The following OSBPL10 variants were observed in gnomAD, a reference collection of about 807,000 sequenced individuals.
OSBPL10 encodes oxysterol-binding protein-related protein 10.
A neutral mutation model predicts 81.7 loss-of-function variants in OSBPL10; 49 were observed. The observed-to-expected ratio is 0.60, with a 90% CI of 0.48 to 0.76. OSBPL10 has a LOEUF of 0.76. OSBPL10 is among the 30% of genes least tolerant of loss of function. OSBPL10 has a pLI of 0.00. For missense variants in OSBPL10, 923 were observed against 987.8 expected (o/e 0.93, Z 0.88); for synonymous variants, 419 against 383.6 (o/e 1.09, Z -1.08).
At chr3:32,017,481 G>T (rs1228787302) in intron 2 of OSBPL10, among the ~76,000 whole-genome samples, 1 of 151,848 alleles carries the variant, frequency 6.6e-6, no homozygotes, top group Non-Finnish European at 1.5e-5. Context: ...TACCTAATAT[G>T]GTTTGGCAAG....
At chr3:31,784,237 C>T (rs1272657655) in intron 4 of OSBPL10, among the ~76,000 whole-genome samples, 2 of 151,854 alleles carry the variant, frequency 1.3e-5, no homozygotes, top group African/African-American at 4.8e-5. Flanking sequence ...TGGTATGCGC[C>T]TTTAGTCCCA....
chr3:31,779,531 T>G (rs1698633291), intron 4 of OSBPL10, among the ~76,000 whole-genome samples: 1 of 152,186 alleles, frequency 6.6e-6, no homozygotes, highest in Non-Finnish European at 1.5e-5. Context: ...TAAATATATA[T>G]GCACCTGGAG....
At chr3:31,917,277 C>T (rs1340362601) in intron 1 of OSBPL10, among the ~76,000 whole-genome samples, 1 of 152,136 alleles carries the variant, frequency 6.6e-6, no homozygotes, top group Admixed American at 6.6e-5. Flanking sequence ...GGAGTCCCAA[C>T]CAAATGAGAA....
upstream of OSBPL10, among the ~76,000 whole-genome samples, chr3:31,983,585 C>T (rs1178410119): frequency 2.0e-5 from 3 of 152,176 alleles, no homozygotes; most frequent in Non-Finnish European, 4.4e-5. Flanking sequence ...AGCAGATGTG[C>T]TGAAAGTAGA....
At position 31,879,787 on chromosome 3, in the gene OSBPL10, C is replaced by G; in HGVS notation, c.325G>C (p.Val109Leu). The change falls in exon 2 of 12, where the codon GTG becomes CTG. Residue 109 changes from valine (V) to leucine (L), a missense_variant. Around this residue, in one of 3 missense-constraint regions of OSBPL10, gnomAD observed 514 missense variants for 508.0 expected, o/e 1.01. Transcript: ENST00000396556. Reference sequence around the variant, plus strand: ...TTCTGGTGTTTGCTTTGCTCATTCACAAAATACTGCAGGATGCCAGCCTCG... The same window carrying G: ...TTCTGGTGTTTGCTTTGCTCATTCAGAAAATACTGCAGGATGCCAGCCTCG... ...DFEAGILQYFVNEQSKHQKPR... is the reference protein window; with the variant it reads ...DFEAGILQYFLNEQSKHQKPR... 1.2e-6 allele frequency: 2 copies of G among 1,614,144 alleles called. No individual in the cohort carries two copies. Among genetic ancestry groups the G allele is most frequent in the Non-Finnish European group, 1.7e-6 (2 of 1,180,020 alleles).
At chr3:31,971,704 T>C (rs947366625) in intron 1 of OSBPL10, among the ~76,000 whole-genome samples, 6 of 152,172 alleles carry the variant, frequency 3.9e-5, no homozygotes, top group Non-Finnish European at 8.8e-5. Context: ...AGTGTAATTA[T>C]AGGGAAAGGA....
chr3:31,675,802 C>A (rs1006310108), intron 8 of OSBPL10, among the ~76,000 whole-genome samples: 1 of 152,024 alleles, frequency 6.6e-6, no homozygotes, highest in African/African-American at 2.4e-5. Flanking sequence ...AAAAATTAGC[C>A]GGGCATGGTG....
At chr3:31,965,570 TATATA>T (rs1429277073) in intron 1 of OSBPL10, among the ~76,000 whole-genome samples, 28 of 77,244 alleles carry the variant, frequency 3.6e-4, no homozygotes, top group African/African-American at 9.1e-4. Context: ...AATTATATAT[TATATA>T]ATATATTATA....
intron 1 of OSBPL10, among the ~76,000 whole-genome samples, chr3:31,964,296 A>G (rs1483734061): frequency 6.6e-6 from 1 of 152,150 alleles, no homozygotes; most frequent in African/African-American, 2.4e-5. Context: ...AACTGGGACT[A>G]CAGGTGTGCA....
At chr3:31,960,785 C>T (rs535885998) in intron 1 of OSBPL10, among the ~76,000 whole-genome samples, 3 of 152,246 alleles carry the variant, frequency 2.0e-5, no homozygotes, top group Admixed American at 2.0e-4. Flanking sequence ...TGTGCCCCTA[C>T]CCCACCCTAC....
chr3:32,015,432 T>A lies in OSBPL10; in HGVS notation n.298+31059A>T, dbSNP rs576766934. 1.7e-3 allele frequency among the ~76,000 whole-genome samples: 263 copies of A among 152,312 alleles called. 3 individuals are homozygous for A. The highest frequency in any genetic ancestry group is 5.4e-3 in the African/African-American group (226 of 41,562). On this transcript the variant is annotated intron_variant and non_coding_transcript_variant, in intron 2 of 3. Coordinates refer to the OSBPL10 transcript ENST00000479173. ...AACTGGATCCCTTCCTTACACCTTA[T>A]ACAAAAATTAATTCAAGATGGATGG... is the stretch of plus-strand genomic sequence containing the variant.
At chr3:32,050,661 A>AT (rs57922283) in intron 1 of OSBPL10, among the ~76,000 whole-genome samples, 12,420 of 140,050 alleles carry the variant, frequency 0.089, 619 homozygotes, top group Non-Finnish European at 0.13. Flanking sequence ...ATACAAAAGG[A>AT]TTTTTTTTTT....
At chr3:31,897,502 C>T (rs1696090329) in intron 1 of OSBPL10, among the ~76,000 whole-genome samples, 1 of 152,070 alleles carries the variant, frequency 6.6e-6, no homozygotes, top group South Asian at 2.1e-4. Flanking sequence ...GTATTCACCA[C>T]AATTAAAGAA....
intron 1 of OSBPL10, among the ~76,000 whole-genome samples, chr3:31,911,697 G>A (rs1039344797): frequency 3.4e-4 from 52 of 151,986 alleles, no homozygotes; most frequent in African/African-American, 1.3e-3. Flanking sequence ...AGCTGTCCTG[G>A]GCCACAGGCA....
At chr3:31,752,873 A>T (rs1270012109) in intron 4 of OSBPL10, among the ~76,000 whole-genome samples, 2 of 152,156 alleles carry the variant, frequency 1.3e-5, no homozygotes, top group Non-Finnish European at 2.9e-5. Context: ...TTACTCTCCA[A>T]AAGCTCAGCA....
chr3:31,869,803 C>G (rs577376397), intron 3 of OSBPL10, among the ~76,000 whole-genome samples: 1 of 152,202 alleles, frequency 6.6e-6, no homozygotes, highest in Non-Finnish European at 1.5e-5. Flanking sequence ...GGAAGTAATA[C>G]CACCTACCTC....
At chr3:31,804,163 C>G (rs1334221203) in intron 4 of OSBPL10, among the ~76,000 whole-genome samples, 1 of 152,070 alleles carries the variant, frequency 6.6e-6, no homozygotes, top group Non-Finnish European at 1.5e-5. Flanking sequence ...AGTTAGAAGT[C>G]TATTTTAAGG....
At chr3:31,988,910 A>C in intron 2 of OSBPL10, 7 of 782,502 alleles carry the variant, frequency 8.9e-6, no homozygotes, top group Non-Finnish European at 1.2e-5. Flanking sequence ...CACCCAGCTG[A>C]AGTGCCTCCA....
chr3:31,940,387 CAGAA>C (rs1227900971), intron 1 of OSBPL10, among the ~76,000 whole-genome samples: 1 of 152,184 alleles, frequency 6.6e-6, no homozygotes, highest in Non-Finnish European at 1.5e-5. Context: ...TGATAAAAGT[CAGAA>C]AGCAGCTGTA....
Sources: allele counts gnomAD v4.1 joint callset (sites outside exome capture counted in the v4.1 genomes callset), GRCh38; gene constraint gnomAD v4.1.1; regional missense constraint gnomAD v4.1.1; transcripts MANE v1.5; gene names NCBI Gene and HGNC (gene_info 2026-07-23, HGNC 2026-07-21).